Variants in JAZF1 observed in about 807,000 individuals in gnomAD.
JAZF1 encodes juxtaposed with another zinc finger protein 1.
Under a neutral mutation model 26.4 loss-of-function variants are expected in JAZF1, and 8 were observed. The observed-to-expected ratio is 0.30, with a 90% confidence interval of 0.18 to 0.55. The LOEUF (loss-of-function observed/expected upper bound fraction) is 0.55, where lower values mean the gene tolerates loss of function less well. Ranked by LOEUF, JAZF1 falls within the 20% of genes least tolerant of loss-of-function variation. The pLI is 0.94. For missense variants in JAZF1, 199 were observed against 322.0 expected (o/e 0.62, Z 2.92); for synonymous variants, 126 against 122.3 (o/e 1.03, Z -0.20).
chr7:28,161,986 G>T (rs1340462308), intron 1 of JAZF1, among the ~76,000 whole-genome samples: 1 of 152,104 alleles, frequency 6.6e-6, no homozygotes, highest in Non-Finnish European at 1.5e-5. Flanking sequence ...ATTGTGTTTT[G>T]TAGTCCCTAG....
intron 1 of JAZF1, among the ~76,000 whole-genome samples, chr7:28,095,151 T>A (rs907252286): frequency 6.6e-6 from 1 of 152,146 alleles, no homozygotes; most frequent in African/African-American, 2.4e-5. Context: ...TTCATCCCAG[T>A]CCCTCTCTTC....
At chr7:27,924,077 CA>C (rs958882981) in intron 2 of JAZF1, among the ~76,000 whole-genome samples, 24 of 152,144 alleles carry the variant, frequency 1.6e-4, no homozygotes, top group African/African-American at 5.6e-4. Flanking sequence ...TCTCCTCTGG[CA>C]GCTGTATCAC....
chr7:27,989,703 T>A (rs1453152421), intron 2 of JAZF1, among the ~76,000 whole-genome samples: 1 of 152,160 alleles, frequency 6.6e-6, no homozygotes, highest in Non-Finnish European at 1.5e-5. Flanking sequence ...TCACTGGCCA[T>A]CAGAGAAATG....
Position 27,832,837 on chromosome 7 carries a change from G to A in JAZF1, c.695C>T (p.Pro232Leu), listed in dbSNP as rs1230416015. The part of the protein sequence containing the change: ...LRHHTINFHP[P>L]VSAEIIRKMQ... ...CTTCCTGATAATCTCAGCCGACACCGGGGGATGGAAATTGATTGTGTGGTG... is the reference window on the plus strand; with the variant it reads ...CTTCCTGATAATCTCAGCCGACACCAGGGGATGGAAATTGATTGTGTGGTG... The change falls in exon 5 of 5, where the codon CCG (proline) becomes CTG (leucine). Residue 232 changes from proline (P) to leucine (L), a missense_variant. Pro to Leu is a moderately conservative substitution (Grantham distance 98). Transcript: ENST00000283928. 1 of 1,606,646 alleles carries A rather than the reference G, an allele frequency of 6.2e-7. No homozygotes were observed. Among genetic ancestry groups the A allele is most frequent in the Non-Finnish European group, 8.5e-7 (1 of 1,175,970 alleles).
Position 27,840,904 on chromosome 7 carries a change from G to A in JAZF1, c.386-37C>T, listed in dbSNP as rs371061641. ...GAGAAGTGCAAGGACTGTCAGGAGC[G>A]CTCATCTCCCCACAGGTTCACCCGG... On this transcript the variant is annotated intron_variant, in intron 3 of 4. Coordinates refer to ENST00000283928, the MANE Select transcript of JAZF1 (RefSeq NM_175061.4). This position sits in a 1 kb window ranked among gnomAD's most constrained non-coding sequence, Gnocchi z 5.1. 6.6e-5 allele frequency: 106 copies of A among 1,606,024 alleles called. No individual in the cohort carries two copies. The highest frequency in any genetic ancestry group is 4.9e-4 in the South Asian group (44 of 90,582).
chr7:27,931,041 T>C (rs1223385749), intron 2 of JAZF1, among the ~76,000 whole-genome samples: 4 of 152,196 alleles, frequency 2.6e-5, no homozygotes, highest in Admixed American at 2.6e-4. Flanking sequence ...TTTCTGTAAA[T>C]TTGTGGCAAA....
chr7:27,948,910 C>T (rs1234305234), intron 2 of JAZF1, among the ~76,000 whole-genome samples: 2 of 152,136 alleles, frequency 1.3e-5, no homozygotes, highest in Non-Finnish European at 2.9e-5. Flanking sequence ...ATTAACTTCA[C>T]GGATTTCTAC....
intron 2 of JAZF1, among the ~76,000 whole-genome samples, chr7:27,926,985 C>T (rs1204307911): frequency 6.6e-6 from 1 of 152,200 alleles, no homozygotes; most frequent in Non-Finnish European, 1.5e-5. Context: ...AGAACATCTC[C>T]CCGGGAGTTC....
At chr7:27,904,401 G>C (rs897630019) in intron 2 of JAZF1, among the ~76,000 whole-genome samples, 1 of 152,174 alleles carries the variant, frequency 6.6e-6, no homozygotes, top group Non-Finnish European at 1.5e-5. Flanking sequence ...TTAGTAAAAC[G>C]ACCTAGAAAC....
intron 2 of JAZF1, among the ~76,000 whole-genome samples, chr7:27,924,623 A>C (rs954705441): frequency 2.6e-5 from 4 of 152,212 alleles, no homozygotes; most frequent in East Asian, 1.9e-4. Context: ...AAAGGGGCTG[A>C]TTTTTTAAAA....
At chr7:27,837,129 G>C (rs76766233) in intron 4 of JAZF1, among the ~76,000 whole-genome samples, 4,021 of 152,244 alleles carry the variant, frequency 0.026, 157 homozygotes, top group African/African-American at 0.091. Flanking sequence ...AGGAACTTTG[G>C]GGGGCGGGGT....
At chr7:27,887,121 G>T (rs1378827288) in intron 3 of JAZF1, among the ~76,000 whole-genome samples, 8 of 152,112 alleles carry the variant, frequency 5.3e-5, no homozygotes, top group Non-Finnish European at 1.2e-4. Flanking sequence ...CTTTCGGAGG[G>T]TGGAGGGTAA....
At chr7:28,004,520 A>G (rs1289279521) in intron 1 of JAZF1, among the ~76,000 whole-genome samples, 5 of 152,232 alleles carry the variant, frequency 3.3e-5, no homozygotes, top group Non-Finnish European at 7.3e-5. Context: ...GGGATAGAGA[A>G]CTGGTTGGGA....
At position 27,881,668 on chromosome 7, in the gene JAZF1, C is replaced by T. The variant is rs373536670; in HGVS notation, c.385+13552G>A. On this transcript the variant is annotated intron_variant, in intron 3 of 4. Transcript: ENST00000283928. ...AAAAACACCATCCTACATTGATGGC[C>T]CAGCATCAGTCCCCGTAACTGTTAG... Among the ~76,000 whole-genome samples the T allele has an allele frequency of 1.3e-4, 20 of 152,210 alleles. 1 individual carries two copies. In the East Asian group the frequency reaches 2.5e-3, roughly 19 times the overall value.
intron 2 of JAZF1, among the ~76,000 whole-genome samples, chr7:27,925,392 CCA>C (rs979204471): frequency 7.2e-5 from 11 of 152,126 alleles, no homozygotes; most frequent in African/African-American, 2.7e-4. Flanking sequence ...TAAACATCCC[CCA>C]GTGTGGTACT....
intron 1 of JAZF1, among the ~76,000 whole-genome samples, chr7:28,126,722 T>C (rs73298692): frequency 0.013 from 1,956 of 152,186 alleles, 33 homozygotes; most frequent in African/African-American, 0.045. Flanking sequence ...CAAGTGTCTC[T>C]AGAGCCACCT....
chr7:28,037,947 T>C (rs536449259), intron 1 of JAZF1, among the ~76,000 whole-genome samples: 5 of 152,350 alleles, frequency 3.3e-5, no homozygotes, highest in South Asian at 4.1e-4. Context: ...GTCACATGTA[T>C]GCATAAATTG....
chr7:27,869,317 C>T (rs752064699), intron 3 of JAZF1, among the ~76,000 whole-genome samples: 7 of 152,144 alleles, frequency 4.6e-5, no homozygotes, highest in Non-Finnish European at 8.8e-5. Context: ...CGATGAATGA[C>T]GTATTTACCA....
intron 1 of JAZF1, among the ~76,000 whole-genome samples, chr7:28,179,972 C>G (rs993683191): frequency 7.0e-6 from 1 of 143,380 alleles, no homozygotes; most frequent in Non-Finnish European, 1.5e-5. Context: ...ACAGCTCGAG[C>G]CGGGGCGGAA....
Sources: allele counts gnomAD v4.1 joint callset (sites outside exome capture counted in the v4.1 genomes callset), GRCh38; gene constraint gnomAD v4.1.1; non-coding constraint Gnocchi (gnomAD v3.1); transcripts MANE v1.5; gene names NCBI Gene and HGNC (gene_info 2026-07-23, HGNC 2026-07-21).